NFKB1: variants seen among roughly 807,000 people sequenced by gnomAD.
NFKB1 encodes the protein nuclear factor kappa B subunit 1.
NFKB1 carries 9 observed loss-of-function variants against 105.1 expected under a neutral mutation model. That is an observed-to-expected ratio of 0.09 (90% CI 0.05 to 0.15). The LOEUF (loss-of-function observed/expected upper bound fraction) is 0.15, where lower values mean the gene tolerates loss of function less well. Among genes scored for constraint, NFKB1 ranks in the 10% least tolerant of loss-of-function variants. The pLI is 1.00. For missense variants in NFKB1, 830 were observed against 1,203.7 expected (o/e 0.69, Z 4.59); for synonymous variants, 440 against 442.2 (o/e 1.00, Z 0.06).
At chr4:102,554,981 C>T (rs753252257) in intron 5 of NFKB1, among the ~76,000 whole-genome samples, 6 of 152,134 alleles carry the variant, frequency 3.9e-5, no homozygotes, top group Non-Finnish European at 8.8e-5. Context: ...AGTAGAAAAG[C>T]ATAAGGGAGT....
chr4:102,550,917 G>T (rs1340840365), intron 5 of NFKB1, among the ~76,000 whole-genome samples: 3 of 152,010 alleles, frequency 2.0e-5, no homozygotes, highest in Non-Finnish European at 4.4e-5. Flanking sequence ...ACATTTGTCA[G>T]TTTCACATCT....
chr4:102,553,553 A>G (rs114701694), intron 5 of NFKB1, among the ~76,000 whole-genome samples: 1 of 152,180 alleles, frequency 6.6e-6, no homozygotes, highest in African/African-American at 2.4e-5. Context: ...CACTTTGATC[A>G]TATCTAATGT....
intron 5 of NFKB1, among the ~76,000 whole-genome samples, chr4:102,561,296 T>TGTGTGC (rs1553932422): frequency 1.5e-5 from 2 of 133,440 alleles, no homozygotes; most frequent in Non-Finnish European, 3.2e-5. Flanking sequence ...TGTGTGTGTG[T>TGTGTGC]GCCTGATAAT....
At chr4:102,593,677 G>A in intron 12 of NFKB1, 109 bp downstream of exon 12, 1 of 1,008,524 alleles carries the variant, frequency 9.9e-7, no homozygotes, top group Non-Finnish European at 1.4e-6. Context: ...TGATATTATT[G>A]AGTATATTAA....
At chr4:102,544,083 T>A (rs576491833) in intron 5 of NFKB1, among the ~76,000 whole-genome samples, 1 of 147,536 alleles carries the variant, frequency 6.8e-6, no homozygotes. Context: ...GCTTTTTAGA[T>A]TCCTAAATTT....
chr4:102,601,648 A>G (rs557290747), intron 16 of NFKB1, among the ~76,000 whole-genome samples: 2 of 152,362 alleles, frequency 1.3e-5, no homozygotes, highest in Admixed American at 1.3e-4. Flanking sequence ...AGGGAGAGTT[A>G]GCTGGAGACA....
chr4:102,593,525 T>C lies in NFKB1; in HGVS notation c.1167T>C (p.Phe389=). Residue 389 remains phenylalanine, a synonymous_variant, in exon 12 of 24, where the codon TTT becomes TTC. Coordinates refer to ENST00000226574, the MANE Select transcript of NFKB1 (RefSeq NM_003998.4). The stretch of plus-strand genomic sequence containing the variant: ...CTGGAGCTGGAGGCGGAGGCATGTT[T>C]GGTAGTGGCGGTGGAGGAGGGGGCA... The part of the protein sequence containing the change: ...SGAGAGGGGM[F]GSGGGGGGTG... 1 of 1,613,704 alleles carries C rather than the reference T, an allele frequency of 6.2e-7. No individual in the cohort carries two copies. The highest frequency in any genetic ancestry group is 8.5e-7 in the Non-Finnish European group (1 of 1,179,668).
intron 5 of NFKB1, among the ~76,000 whole-genome samples, chr4:102,545,468 A>G (rs956319774): frequency 6.6e-6 from 1 of 152,190 alleles, no homozygotes; most frequent in African/African-American, 2.4e-5. Context: ...TCCGCATTTT[A>G]TAAATGAGGA....
In NFKB1 at chr4:102,576,853, T is replaced by TG. The variant is rs1381574460; in HGVS notation, c.408-22dup. 4 of 1,593,158 alleles carry TG rather than the reference T, an allele frequency of 2.5e-6. No homozygotes were observed. In the Admixed American group the frequency reaches 7.2e-5, roughly 28 times the overall value. On this transcript the variant is annotated intron_variant, in intron 6 of 23. Transcript: ENST00000226574. ...CCTAACTTTTGGTTGTTGTTGCTGC[T>TG]GCTGTTACTGTTTTTTCTCCAGCTT...
rs568843570 is a variant in NFKB1 at position 102,541,179 on chromosome 4, A to C, written c.258+3223A>C. ...AGGATTCCTATAATTGTGACATCCA[A>C]AAAGTCTCCACATTGACAAATGTCC... is the stretch of plus-strand genomic sequence containing the variant. On this transcript the variant is annotated intron_variant, in intron 5 of 23. Transcript: ENST00000226574. Among the ~76,000 whole-genome samples, 3 of 152,318 alleles carry C rather than the reference A, an allele frequency of 2.0e-5. No homozygotes were observed. In the South Asian group the frequency reaches 6.2e-4, roughly 32 times the overall value.
At chr4:102,608,719 A>T (rs1474121835) in intron 19 of NFKB1, among the ~76,000 whole-genome samples, 2 of 152,098 alleles carry the variant, frequency 1.3e-5, no homozygotes, top group East Asian at 1.9e-4. Flanking sequence ...AAAGCAAAAG[A>T]CATAGGAACT....
chr4:102,608,586 T>TGAGGTTCTCC (rs1728049960), intron 19 of NFKB1, among the ~76,000 whole-genome samples: 1 of 152,162 alleles, frequency 6.6e-6, no homozygotes, highest in African/African-American at 2.4e-5. Flanking sequence ...CTTGCATATT[T>TGAGGTTCTCC]AGAACCTCAA....
intron 5 of NFKB1, among the ~76,000 whole-genome samples, chr4:102,558,223 G>A (rs139243806): frequency 7.1e-4 from 108 of 151,968 alleles, no homozygotes; most frequent in South Asian, 1.2e-3. Flanking sequence ...CCCAGTGTGT[G>A]TTGTTTCCCT....
At chr4:102,600,752 C>G in intron 15 of NFKB1, 143 bp from the exon 16 acceptor site, 1 of 642,868 alleles carries the variant, frequency 1.6e-6, no homozygotes, top group Non-Finnish European at 2.8e-6. Context: ...AGATTCAATG[C>G]ATTTTATAGA....
At chr4:102,602,177 C>T (rs764585061) in intron 16 of NFKB1, among the ~76,000 whole-genome samples, 2 of 152,020 alleles carry the variant, frequency 1.3e-5, no homozygotes, top group Non-Finnish European at 2.9e-5. Flanking sequence ...TTAATTAAAA[C>T]TTCATTTTCT....
chr4:102,512,876 G>A (rs1220299977), intron 1 of NFKB1, among the ~76,000 whole-genome samples: 1 of 152,056 alleles, frequency 6.6e-6, no homozygotes, highest in African/African-American at 2.4e-5. Flanking sequence ...AAAACATAAA[G>A]GACATATTTT....
chr4:102,513,747 G>T (rs889746577), intron 1 of NFKB1, among the ~76,000 whole-genome samples: 4 of 151,908 alleles, frequency 2.6e-5, no homozygotes, highest in African/African-American at 7.3e-5. Flanking sequence ...TCTATCACTG[G>T]TTTCTGATTT....
chr4:102,613,669 T>G lies in NFKB1; in HGVS notation c.2749+88T>G, dbSNP rs551184145. The G allele has an allele frequency of 1.1e-4, 156 of 1,447,312 alleles. No homozygotes were observed. The African/African-American group carries it at 1.9e-3, about 18-fold the overall frequency. The allele number at this position is 1,447,312 out of a possible 1,614,324, so 89.7% of individuals were successfully genotyped here. A position where few individuals can be genotyped will look rare whatever the true frequency, so the allele number is the denominator to read the frequency against. On this transcript the variant is annotated intron_variant, in intron 23 of 23. Transcript: ENST00000226574. ...CTCTTTTTGGATATGGTGTGGCAGT[T>G]TTCTTTCTCGTTTTCTGGATACACT...
chr4:102,570,024 C>A (rs777277795), intron 6 of NFKB1, among the ~76,000 whole-genome samples: 1 of 152,008 alleles, frequency 6.6e-6, no homozygotes, highest in Admixed American at 6.6e-5. Flanking sequence ...TATTTTAGTT[C>A]GTTGACATTT....
Sources: allele counts gnomAD v4.1 joint callset (sites outside exome capture counted in the v4.1 genomes callset), GRCh38; gene constraint gnomAD v4.1.1; transcripts MANE v1.5; gene names NCBI Gene and HGNC (gene_info 2026-07-23, HGNC 2026-07-21).